Variants in ARFGEF3 observed in about 807,000 individuals in gnomAD.
ARFGEF3 encodes ARFGEF family member 3.
In ARFGEF3, 96 loss-of-function variants were observed where a neutral mutation model predicts 221.7. The ratio of observed to expected loss-of-function variants is 0.43; its 90% confidence interval spans 0.37 to 0.51. ARFGEF3 has a LOEUF of 0.51. Among genes scored for constraint, ARFGEF3 ranks in the 20% least tolerant of loss-of-function variants. The pLI, the probability that ARFGEF3 is intolerant of heterozygous loss-of-function variation, is 0.00. For synonymous variants in ARFGEF3, 1,145 were observed against 1,126.8 expected, an observed-to-expected ratio of 1.02 and a Z score of -0.32; for missense variants, 2,410 against 2,789.9, an observed-to-expected ratio of 0.86 and a Z score of 3.07.
chr6:138,304,697 A>G (rs1329427735), intron 22 of ARFGEF3, among the ~76,000 whole-genome samples: 2 of 152,226 alleles, frequency 1.3e-5, no homozygotes, highest in African/African-American at 4.8e-5. Flanking sequence ...GACTTTTAAA[A>G]TGTTAGAATT....
At chr6:138,230,387 G>A (rs1778170083) in intron 5 of ARFGEF3, among the ~76,000 whole-genome samples, 1 of 152,046 alleles carries the variant, frequency 6.6e-6, no homozygotes, top group Non-Finnish European at 1.5e-5. Flanking sequence ...CAGAAAACTT[G>A]GCTTCTTGAA....
chr6:138,299,198 TAAAAAAAAAAAA>T (rs60475752), intron 22 of ARFGEF3, among the ~76,000 whole-genome samples: 18 of 39,440 alleles, frequency 4.6e-4, no homozygotes, highest in Admixed American at 3.2e-3. Context: ...CGAGACTCTG[TAAAAAAAAAAAA>T]AAAAAAAAAA....
chr6:138,311,535 C>G (rs767938560), intron 25 of ARFGEF3, 25 bp downstream of exon 25: 2 of 1,525,750 alleles, frequency 1.3e-6, no homozygotes, highest in Admixed American at 1.9e-5. Flanking sequence ...CAGCTGGGCT[C>G]CCGGCCTGGA....
intron 4 of ARFGEF3, among the ~76,000 whole-genome samples, chr6:138,213,489 G>T (rs1777773838): frequency 6.6e-6 from 1 of 151,514 alleles, no homozygotes; most frequent in Non-Finnish European, 1.5e-5. Context: ...TAGTCATCTT[G>T]CTATACAGTA....
At chr6:138,233,611 T>C (rs1778231671) in intron 5 of ARFGEF3, among the ~76,000 whole-genome samples, 1 of 152,110 alleles carries the variant, frequency 6.6e-6, no homozygotes, top group Non-Finnish European at 1.5e-5. Flanking sequence ...ACTCCTGACC[T>C]CGTGATCCAC....
intron 25 of ARFGEF3, 22 bp downstream of exon 25, chr6:138,311,532 G>T (rs1412076667): frequency 3.3e-6 from 5 of 1,538,382 alleles, no homozygotes; most frequent in Non-Finnish European, 4.4e-6. Flanking sequence ...GTCCAGCTGG[G>T]CTCCCGGCCT....
At chr6:138,211,820 C>T (rs964689990) in intron 4 of ARFGEF3, among the ~76,000 whole-genome samples, 7 of 152,152 alleles carry the variant, frequency 4.6e-5, no homozygotes, top group African/African-American at 7.2e-5. Flanking sequence ...GATTCCATCC[C>T]GCCCAGCAGT....
chr6:138,277,059 A>G (rs140962906), intron 12 of ARFGEF3, among the ~76,000 whole-genome samples: 177 of 152,334 alleles, frequency 1.2e-3, no homozygotes, highest in African/African-American at 4.0e-3. Context: ...TTAAGTATAC[A>G]ATTCAGTGGT....
chr6:138,239,473 C>T (rs1042929519), intron 6 of ARFGEF3, among the ~76,000 whole-genome samples: 6 of 151,992 alleles, frequency 3.9e-5, no homozygotes, highest in African/African-American at 1.4e-4. Flanking sequence ...CATAGCGAAA[C>T]CCCGTCTCTA....
At chr6:138,256,498 T>C (rs957774039) in intron 10 of ARFGEF3, among the ~76,000 whole-genome samples, 1 of 152,170 alleles carries the variant, frequency 6.6e-6, no homozygotes, top group Non-Finnish European at 1.5e-5. Context: ...ATTCCCTTGT[T>C]GATGATTAAT....
At chr6:138,308,207 T>C (rs944332695) in intron 23 of ARFGEF3, among the ~76,000 whole-genome samples, 3 of 152,202 alleles carry the variant, frequency 2.0e-5, no homozygotes, top group Admixed American at 6.5e-5. Flanking sequence ...GTATGGTTTG[T>C]ATGAACAGTC....
At chr6:138,230,016 G>A (rs1028347456) in intron 5 of ARFGEF3, among the ~76,000 whole-genome samples, 164 bp downstream of exon 5, 2 of 152,092 alleles carry the variant, frequency 1.3e-5, no homozygotes, top group East Asian at 3.8e-4. Context: ...CGTGCTGTGT[G>A]GTGCGCCATC....
rs941677019 is a variant in ARFGEF3 at position 138,342,461 on chromosome 6, A to G, written c.*5975A>G. 1 of 152,208 alleles carries G rather than the reference A, an allele frequency of 6.6e-6. No individual in the cohort carries two copies. Among genetic ancestry groups the G allele is most frequent in the African/African-American group, 2.4e-5 (1 of 41,460 alleles). The allele number at this position is 152,208 out of a possible 1,614,324, so 9.4% of individuals were successfully genotyped here. ...AATCTTCCCAGTTTCCAGTTTTATT[A>G]TACCAACAATTGGTTTTTACAAGCT... is the stretch of plus-strand genomic sequence containing the variant. On this transcript the variant is annotated 3_prime_UTR_variant, in exon 34 of 34. Coordinates refer to ENST00000251691, the MANE Select transcript of ARFGEF3 (RefSeq NM_020340.5).
intron 23 of ARFGEF3, 69 bp from the exon 24 acceptor site, chr6:138,308,670 A>G (rs931749730): frequency 1.3e-6 from 2 of 1,560,060 alleles, no homozygotes; most frequent in Non-Finnish European, 1.8e-6. Flanking sequence ...TGCTGGGAAT[A>G]TGGGCAACCC....
At chr6:138,266,931 G>A (rs368980627) in intron 12 of ARFGEF3, among the ~76,000 whole-genome samples, 3 of 150,850 alleles carry the variant, frequency 2.0e-5, no homozygotes, top group African/African-American at 7.3e-5. Context: ...CTTTGGAAGC[G>A]ATTGGTGGAT....
At position 138,298,596 on chromosome 6, in the gene ARFGEF3, A is replaced by C; in HGVS notation, c.3649-10A>C. The C allele has an allele frequency of 6.2e-7, 1 of 1,609,432 alleles. No homozygotes were observed. The highest frequency in any genetic ancestry group is 8.5e-7 in the Non-Finnish European group (1 of 1,177,588). On this transcript the variant is annotated splice_polypyrimidine_tract_variant and intron_variant, in intron 21 of 33. Transcript: ENST00000251691. ...CCTGATGGTGAGCCACTCTCTCGTG[A>C]ATTTTGCAGGCTGCTTGCCATAAGG...
rs1229882183 is a variant in ARFGEF3, at chr6:138,162,042, C to G, written c.-45C>G. On this transcript the variant is annotated 5_prime_UTR_variant, in exon 1 of 34. Coordinates refer to ENST00000251691, the MANE Select transcript of ARFGEF3 (RefSeq NM_020340.5). This position sits in a 1 kb window ranked among gnomAD's most constrained non-coding sequence, Gnocchi z 4.7. Reference sequence around the variant, plus strand: ...CGGCTTCCCCGGCCCGGCTCGCCCGCGCTTCTCTCCCTGTGGGCGGCGGCC... The same window carrying G: ...CGGCTTCCCCGGCCCGGCTCGCCCGGGCTTCTCTCCCTGTGGGCGGCGGCC... 6.9e-7 allele frequency: 1 copy of G among 1,453,382 alleles called. No individual in the cohort carries two copies. Among genetic ancestry groups the G allele is most frequent in the South Asian group, 1.2e-5 (1 of 80,580 alleles). 90.0% of individuals were successfully genotyped at this position (1,453,382 alleles called of 1,614,324 possible).
At chr6:138,264,551 G>A (rs72986874) in intron 12 of ARFGEF3, among the ~76,000 whole-genome samples, 5,117 of 152,194 alleles carry the variant, frequency 0.034, 137 homozygotes, top group Non-Finnish European at 0.045. Flanking sequence ...AAAAAGCCAT[G>A]ATCACCACTT....
intron 2 of ARFGEF3, among the ~76,000 whole-genome samples, chr6:138,196,248 G>A (rs939617769): frequency 6.6e-6 from 1 of 152,120 alleles, no homozygotes; most frequent in African/African-American, 2.4e-5. Context: ...ATGGGGATAG[G>A]TCCTAAGAAA....
Sources: gnomAD v4.1 joint callset for allele counts (sites outside exome capture counted in the v4.1 genomes callset) on GRCh38, gnomAD v4.1.1 for gene constraint, Gnocchi (gnomAD v3.1) non-coding constraint, MANE v1.5 for transcripts, NCBI Gene and HGNC (gene_info 2026-07-23, HGNC 2026-07-21) for gene names.